The following SPTLC3 variants were observed in gnomAD, a reference collection of about 807,000 sequenced individuals.
The protein encoded by SPTLC3 is serine palmitoyltransferase 3.
Under a neutral mutation model 59.3 loss-of-function variants are expected in SPTLC3, and 36 were observed. That is an observed-to-expected ratio of 0.61 (90% CI 0.47 to 0.80). The LOEUF is 0.80. Among genes scored for constraint, SPTLC3 ranks in the 30% least tolerant of loss-of-function variants. The pLI, the probability that SPTLC3 is intolerant of heterozygous loss-of-function variation, is 0.00. For missense variants in SPTLC3, 625 were observed against 685.1 expected, an observed-to-expected ratio of 0.91 and a Z score of 0.98; for synonymous variants, 257 against 240.8, an observed-to-expected ratio of 1.07 and a Z score of -0.62.
intron 1 of SPTLC3, among the ~76,000 whole-genome samples, chr20:13,035,492 T>A (rs77431978): frequency 0.049 from 7,438 of 152,242 alleles, 226 homozygotes; most frequent in South Asian, 0.082. Flanking sequence ...GCTAATAAAC[T>A]GCCAAGAGGT....
At chr20:13,020,438 G>A (rs1423542243) in intron 1 of SPTLC3, among the ~76,000 whole-genome samples, 1 of 152,098 alleles carries the variant, frequency 6.6e-6, no homozygotes, top group African/African-American at 2.4e-5. Context: ...TGAAGTGGGA[G>A]GACCACTTGA....
At chr20:13,060,830 G>C (rs1987945199) in intron 2 of SPTLC3, among the ~76,000 whole-genome samples, 2 of 149,612 alleles carry the variant, frequency 1.3e-5, no homozygotes, top group African/African-American at 4.9e-5. Flanking sequence ...GTGTGTGTGT[G>C]TGTGTATGCA....
At chr20:13,151,051 A>G (rs1386485327) in intron 9 of SPTLC3, among the ~76,000 whole-genome samples, 3 of 152,172 alleles carry the variant, frequency 2.0e-5, no homozygotes, top group Non-Finnish European at 4.4e-5. Flanking sequence ...TCACTAGACT[A>G]TAAGCTCTTC....
Position 13,009,061 on chromosome 20 carries a change from A to T in SPTLC3, c.-207A>T, listed in dbSNP as rs1985083533. On this transcript the variant is annotated 5_prime_UTR_variant, in exon 1 of 12. Coordinates refer to ENST00000399002, the MANE Select transcript of SPTLC3 (RefSeq NM_018327.4). The stretch of plus-strand genomic sequence containing the variant: ...GGAGTTCACATTTTGACGGGAGTTG[A>T]GAAGTATAAAGGTAACCATTTGTTT... 1 of 486,552 alleles carries T rather than the reference A, an allele frequency of 2.1e-6. No individual in the cohort carries two copies. The allele number at this position is 486,552 out of a possible 1,614,324, so 30.1% of individuals were successfully genotyped here.
intron 6 of SPTLC3, among the ~76,000 whole-genome samples, chr20:13,096,216 G>T (rs958087819): frequency 6.6e-6 from 1 of 152,066 alleles, no homozygotes; most frequent in Non-Finnish European, 1.5e-5. Flanking sequence ...AAGTTATTTG[G>T]CAAGGTTTTA....
At chr20:13,070,486 G>C (rs113226641) in intron 2 of SPTLC3, among the ~76,000 whole-genome samples, 1 of 151,996 alleles carries the variant, frequency 6.6e-6, no homozygotes, top group Admixed American at 6.6e-5. Context: ...GGTAGCATAC[G>C]GTCATCCACA....
At chr20:13,120,746 C>A (rs1990859097) in intron 8 of SPTLC3, among the ~76,000 whole-genome samples, 1 of 152,162 alleles carries the variant, frequency 6.6e-6, no homozygotes, top group South Asian at 2.1e-4. Context: ...TATCTCAGAG[C>A]CTTTTCCTCA....
At chr20:13,118,449 G>GTAAAA (rs1990704315) in intron 8 of SPTLC3, among the ~76,000 whole-genome samples, 2 of 128,158 alleles carry the variant, frequency 1.6e-5, no homozygotes, top group African/African-American at 3.1e-5. Flanking sequence ...GAGGTTTGTG[G>GTAAAA]AAAAAAAAAA....
In SPTLC3 at chr20:13,166,140, C is replaced by T. The variant is rs1427942696; in HGVS notation, c.*1273C>T. 2.0e-5 allele frequency: 3 copies of T among 152,634 alleles called. No individual in the cohort carries two copies. The highest frequency in any genetic ancestry group is 4.4e-5 in the Non-Finnish European group (3 of 68,032). The allele number at this position is 152,634 out of a possible 1,614,324, so 9.5% of individuals were successfully genotyped here. A position where few individuals can be genotyped will look rare whatever the true frequency, so the allele number is the denominator to read the frequency against. On this transcript the variant is annotated 3_prime_UTR_variant, in exon 12 of 12. Transcript: ENST00000399002. ...CAGTGGTGACCTTTTAGCAAAGCTT[C>T]TGTAACAGTTCGAATGAGTTGCAGA...
intron 2 of SPTLC3, chr20:13,051,124 G>T (rs1297044358): frequency 3.3e-5 from 5 of 152,176 alleles, no homozygotes; most frequent in Non-Finnish European, 7.4e-5. Context: ...TGGCCTAAAT[G>T]ATCCACTTAA....
At chr20:13,104,409 T>A (rs1251547118) in intron 6 of SPTLC3, among the ~76,000 whole-genome samples, 18 of 152,164 alleles carry the variant, frequency 1.2e-4, no homozygotes, top group Non-Finnish European at 4.4e-5. Context: ...GTTTTCCCCT[T>A]TCACTTGGCT....
At chr20:13,056,823 C>A (rs1987751698) in intron 2 of SPTLC3, among the ~76,000 whole-genome samples, 1 of 151,160 alleles carries the variant, frequency 6.6e-6, no homozygotes, top group African/African-American at 2.4e-5. Context: ...CTCACTGCAA[C>A]CTCCACCTCC....
chr20:13,124,442 A>G (rs997473810), intron 8 of SPTLC3, among the ~76,000 whole-genome samples: 10 of 152,056 alleles, frequency 6.6e-5, no homozygotes, highest in African/African-American at 2.4e-4. Flanking sequence ...TGAAATGAAA[A>G]GAGAGAGAAC....
In SPTLC3 at chr20:13,151,836, G is replaced by T. The variant is rs527420800; in HGVS notation, c.1280-2167G>T. ...TACACCTGGTTCACCTTCACTCCTT[G>T]GACACAGCCCTTCAGGACCTCTACC... On this transcript the variant is annotated intron_variant, in intron 9 of 11. Transcript: ENST00000399002. Among the ~76,000 whole-genome samples the T allele has an allele frequency of 1.7e-4, 26 of 152,184 alleles. No homozygotes were observed. The South Asian group carries it at 5.0e-3, about 29-fold the overall frequency.
At chr20:13,073,278 C>T (rs1046947752) in intron 3 of SPTLC3, among the ~76,000 whole-genome samples, 10 of 152,096 alleles carry the variant, frequency 6.6e-5, no homozygotes, top group African/African-American at 2.4e-4. Flanking sequence ...TTTTAGCTCC[C>T]ACGTTATAGG....
intron 6 of SPTLC3, among the ~76,000 whole-genome samples, chr20:13,109,450 G>C (rs560898076): frequency 1.1e-4 from 16 of 152,190 alleles, no homozygotes; most frequent in Non-Finnish European, 2.1e-4. Flanking sequence ...CCACAGAATG[G>C]AAATGCTACT....
Position 13,147,458 on chromosome 20 carries a change from C to T in SPTLC3, c.1280-6545C>T, listed in dbSNP as rs183609306. Among the ~76,000 whole-genome samples, 172 of 152,174 alleles carry T rather than the reference C, an allele frequency of 1.1e-3. 1 individual carries two copies. Among genetic ancestry groups the T allele is most frequent in the Middle Eastern group, 6.8e-3 (2 of 294 alleles). ...AGTGTTCAGTGCTTAAAATAACAGA[C>T]GCTGGCTTCCTGCTGTCCATTGAAA... is the stretch of plus-strand genomic sequence containing the variant. On this transcript the variant is annotated intron_variant, in intron 9 of 11. Coordinates refer to ENST00000399002, the MANE Select transcript of SPTLC3 (RefSeq NM_018327.4).
intron 2 of SPTLC3, among the ~76,000 whole-genome samples, chr20:13,067,738 C>T (rs983049695): frequency 1.3e-5 from 2 of 152,080 alleles, no homozygotes; most frequent in African/African-American, 2.4e-5. Flanking sequence ...AATACAGTTA[C>T]CCTTATCAAC....
chr20:13,129,965 G>C (rs1330101497), intron 9 of SPTLC3, among the ~76,000 whole-genome samples: 1 of 152,126 alleles, frequency 6.6e-6, no homozygotes, highest in Non-Finnish European at 1.5e-5. Context: ...AGAATGCTAT[G>C]TGTATGGTCT....
Sources: gnomAD v4.1 joint callset for allele counts (sites outside exome capture counted in the v4.1 genomes callset) on GRCh38, gnomAD v4.1.1 for gene constraint, MANE v1.5 for transcripts, NCBI Gene and HGNC (gene_info 2026-07-23, HGNC 2026-07-21) for gene names.